The following PCDHA12 variants were observed in gnomAD, a reference collection of about 807,000 sequenced individuals.
PCDHA12 encodes the protein protocadherin alpha 12.
Under a neutral mutation model 60.0 loss-of-function variants are expected in PCDHA12, and 44 were observed. The observed-to-expected ratio is 0.73, with a 90% CI of 0.58 to 0.94. The LOEUF (loss-of-function observed/expected upper bound fraction) is 0.94. Among genes scored for constraint, PCDHA12 ranks in the 40% least tolerant of loss-of-function variants. The pLI, the probability that PCDHA12 is intolerant of heterozygous loss-of-function variation, is 0.00. For missense variants in PCDHA12, 1,276 were observed against 1,239.7 expected (o/e 1.03, Z -0.44); for synonymous variants, 569 against 553.0 (o/e 1.03, Z -0.40).
chr5:140,911,626 T>C (rs1436086231), intron 1 of PCDHA12, among the ~76,000 whole-genome samples: 5 of 152,180 alleles, frequency 3.3e-5, no homozygotes, highest in African/African-American at 1.2e-4. Context: ...TCCCCACATA[T>C]GGTCAAAGGT....
intron 1 of PCDHA12, among the ~76,000 whole-genome samples, chr5:140,885,621 T>G (rs528108703): frequency 1.3e-5 from 2 of 152,188 alleles, no homozygotes; most frequent in Non-Finnish European, 2.9e-5. Context: ...ATAAAATATG[T>G]CACTGGATTG....
At chr5:140,880,870 G>T (rs1413243877) in intron 1 of PCDHA12, among the ~76,000 whole-genome samples, 1 of 152,142 alleles carries the variant, frequency 6.6e-6, no homozygotes, top group East Asian at 1.9e-4. Context: ...ATGTGAAGAG[G>T]TAAATAAAGA....
At chr5:140,919,545 T>C (rs572558911) in intron 1 of PCDHA12, among the ~76,000 whole-genome samples, 15 of 152,314 alleles carry the variant, frequency 9.8e-5, no homozygotes, top group African/African-American at 3.6e-4. Flanking sequence ...ACTTTTCATT[T>C]ACTGATTTAT....
intron 1 of PCDHA12, among the ~76,000 whole-genome samples, chr5:140,949,245 A>G (rs782212374): frequency 2.4e-4 from 37 of 151,798 alleles, no homozygotes; most frequent in Non-Finnish European, 4.3e-4. Context: ...GCAACAGTCT[A>G]TCTTGATGAA....
At chr5:140,884,432 C>T (rs782413139) in intron 1 of PCDHA12, 2 of 1,613,880 alleles carry the variant, frequency 1.2e-6, no homozygotes, top group East Asian at 4.5e-5. Flanking sequence ...TACTGCGCTG[C>T]GGTGCTCGGC....
intron 1 of PCDHA12, among the ~76,000 whole-genome samples, chr5:140,905,575 G>A (rs1233481804): frequency 6.6e-6 from 1 of 152,138 alleles, no homozygotes; most frequent in Non-Finnish European, 1.5e-5. Flanking sequence ...TGTGAAGAAT[G>A]ATAATGATAT....
chr5:140,883,484 T>C, intron 1 of PCDHA12: 1 of 1,614,066 alleles, frequency 6.2e-7, no homozygotes, highest in Non-Finnish European at 8.5e-7. Flanking sequence ...GAACTACTAC[T>C]CATTAGTGCT....
chr5:141,001,489 T>C (rs2098020927), intron 3 of PCDHA12, among the ~76,000 whole-genome samples: 3 of 152,236 alleles, frequency 2.0e-5, no homozygotes. Context: ...GTGCTGGAAA[T>C]GCTAGCCCAG....
chr5:140,949,880 A>G (rs1448161802), intron 1 of PCDHA12, among the ~76,000 whole-genome samples: 1 of 151,692 alleles, frequency 6.6e-6, no homozygotes, highest in African/African-American at 2.4e-5. Flanking sequence ...TTATTTGGGT[A>G]TTCCTCAGAA....
Position 141,009,661 on chromosome 5 carries a change from T to G in PCDHA12, c.2550T>G (p.Gly850=), listed in dbSNP as rs1554262260. ...PEAGEVSPPV[G]AGVNSNSWTF... ...CAGGAGAAGTGTCCCCTCCAGTCGG[T>G]GCGGGTGTCAACAGCAACAGCTGGA... The change falls in exon 4 of 4, where the codon GGT becomes GGG. Residue 850 remains glycine (G), a synonymous_variant. Coordinates refer to ENST00000398631, the MANE Select transcript of PCDHA12 (RefSeq NM_018903.4). 1 of 1,614,030 alleles carries G rather than the reference T, an allele frequency of 6.2e-7. No homozygotes were observed.
intron 1 of PCDHA12, chr5:140,967,061 C>T: frequency 6.2e-7 from 1 of 1,612,886 alleles, no homozygotes; most frequent in Non-Finnish European, 8.5e-7. Context: ...GAGTGGAGCG[C>T]TCTTCGTCAA....
At chr5:140,969,535 T>C (rs1221394283) in intron 1 of PCDHA12, 27 of 1,341,822 alleles carry the variant, frequency 2.0e-5, no homozygotes, top group Non-Finnish European at 2.5e-5. Flanking sequence ...TTTTTCATTT[T>C]CAGAGGCATG....
intron 1 of PCDHA12, among the ~76,000 whole-genome samples, chr5:140,942,360 G>A (rs782168150): frequency 4.0e-5 from 6 of 151,816 alleles, no homozygotes; most frequent in Admixed American, 3.3e-4. Context: ...TGCAGTTAAC[G>A]GAGATTGCAC....
intron 1 of PCDHA12, chr5:140,929,696 A>G (rs955159626): frequency 2.6e-5 from 7 of 266,458 alleles, no homozygotes; most frequent in African/African-American, 1.3e-4. Flanking sequence ...TCTGCTTTAT[A>G]TGAATATAAT....
At chr5:140,879,799 G>C (rs1165330277) in intron 1 of PCDHA12, among the ~76,000 whole-genome samples, 5 of 152,188 alleles carry the variant, frequency 3.3e-5, no homozygotes, top group Non-Finnish European at 7.3e-5. Flanking sequence ...GTTTCTTCCA[G>C]TTTCTATTGG....
chr5:140,994,303 C>T (rs13163241), intron 3 of PCDHA12, among the ~76,000 whole-genome samples: 9,825 of 152,220 alleles, frequency 0.065, 357 homozygotes, highest in East Asian at 0.12. Flanking sequence ...ATTGTTTTCA[C>T]AGGGCCCAAA....
At chr5:140,913,317 TTGTA>T (rs1269286947) in intron 1 of PCDHA12, among the ~76,000 whole-genome samples, 2 of 152,152 alleles carry the variant, frequency 1.3e-5, no homozygotes, top group African/African-American at 4.8e-5. Flanking sequence ...CCTTGGTAAG[TTGTA>T]TGTGTCTAGG....
chr5:140,891,123 T>G (rs2153433075), intron 1 of PCDHA12, among the ~76,000 whole-genome samples: 1 of 152,342 alleles, frequency 6.6e-6, no homozygotes, highest in East Asian at 1.9e-4. Context: ...AATCTAAATG[T>G]CATTCCTTTA....
chr5:140,982,609 G>A, intron 3 of PCDHA12, 46 bp downstream of exon 3: 1 of 1,600,864 alleles, frequency 6.2e-7, no homozygotes, highest in East Asian at 2.2e-5. Context: ...TCTGGAAAGT[G>A]ATCAGATGAC....
Sources: gnomAD v4.1 joint callset for allele counts (sites outside exome capture counted in the v4.1 genomes callset) on GRCh38, gnomAD v4.1.1 for gene constraint, MANE v1.5 for transcripts, NCBI Gene and HGNC (gene_info 2026-07-23, HGNC 2026-07-21) for gene names.